The following OR52N2 variants were observed in gnomAD, a reference collection of about 807,000 sequenced individuals.
OR52N2 encodes the protein olfactory receptor 52N2.
For synonymous variants in OR52N2, 129 were observed against 72.0 expected, an observed-to-expected ratio of 1.79 and a Z score of -4.01; for missense variants, 326 against 196.6, an observed-to-expected ratio of 1.66 and a Z score of -3.94.
chr11:5,813,235 T>G (rs1846377927), intron 1 of OR52N2, among the ~76,000 whole-genome samples: 1 of 147,530 alleles, frequency 6.8e-6, no homozygotes, highest in East Asian at 2.1e-4. Flanking sequence ...AAATAGAAAT[T>G]ATAAAAAAAA....
chr11:5,815,052 G>C (rs757045902), intron 1 of OR52N2, among the ~76,000 whole-genome samples: 1 of 152,104 alleles, frequency 6.6e-6, no homozygotes, highest in Non-Finnish European at 1.5e-5. Flanking sequence ...TTACATAACA[G>C]CATGTCCAAA....
At chr11:5,812,434 G>T (rs1304830695) in intron 1 of OR52N2, among the ~76,000 whole-genome samples, 1 of 142,698 alleles carries the variant, frequency 7.0e-6, no homozygotes, top group African/African-American at 2.6e-5. Context: ...GGCGGAGCTT[G>T]CAGTGAGCCG....
In OR52N2 at chr11:5,820,282, G is replaced by T. The variant is rs1846435397; in HGVS notation, c.-54G>T. 1.1e-5 allele frequency: 8 copies of T among 757,552 alleles called. No homozygotes were observed. Among genetic ancestry groups the T allele is most frequent in the Non-Finnish European group, 2.0e-5 (8 of 407,980 alleles). The allele number at this position is 757,552 out of a possible 1,614,324, so 46.9% of individuals were successfully genotyped here. On this transcript the variant is annotated splice_region_variant and 5_prime_UTR_variant, in exon 2 of 2. Transcript: ENST00000317037. Reference sequence around the variant, plus strand: ...CTAACTCTCCCTCTCCCTCTCCTAGGCAGAAAGCAATGGCTGCTAAAGAGT... The same window carrying T: ...CTAACTCTCCCTCTCCCTCTCCTAGTCAGAAAGCAATGGCTGCTAAAGAGT...
chr11:5,817,022 A>G (rs1173611445), intron 1 of OR52N2, among the ~76,000 whole-genome samples: 1 of 152,200 alleles, frequency 6.6e-6, no homozygotes, highest in Non-Finnish European at 1.5e-5. Context: ...TTTGTTTCCA[A>G]GGAGTCGCAG....
At chr11:5,817,509 G>A (rs1403897218) in intron 1 of OR52N2, among the ~76,000 whole-genome samples, 1 of 152,044 alleles carries the variant, frequency 6.6e-6, no homozygotes, top group African/African-American at 2.4e-5. Flanking sequence ...AAAAAAAGTT[G>A]ACCAAGAACG....
intron 1 of OR52N2, among the ~76,000 whole-genome samples, chr11:5,814,750 G>A (rs1485190239): frequency 6.6e-6 from 1 of 152,038 alleles, no homozygotes; most frequent in Non-Finnish European, 1.5e-5. Flanking sequence ...AATCTCAAGG[G>A]ACCCTACATA....
At position 5,821,242 on chromosome 11, in the gene OR52N2, C is replaced by T. The variant is rs745957727; in HGVS notation, c.907C>T (p.Gln303Ter). The change falls in exon 2 of 2, where the codon CAG (glutamine) becomes TAG (stop). Residue 303 changes from glutamine to a stop codon, truncating the protein, a stop_gained. Coordinates refer to ENST00000317037, the MANE Select transcript of OR52N2 (RefSeq NM_001005174.3). LOFTEE classifies it low-confidence loss of function (END_TRUNC). The part of the protein sequence containing the change: ...IVYGVKTKQI[Q>*]EGVIKFLLGD... ...TTATGGAGTCAAGACCAAGCAGATT[C>T]AGGAAGGTGTAATTAAATTTTTACT... 10 of 780,758 alleles carry T rather than the reference C, an allele frequency of 1.3e-5. No individual in the cohort carries two copies. The highest frequency in any genetic ancestry group is 7.2e-6 in the Non-Finnish European group (3 of 418,072). The allele number at this position is 780,758 out of a possible 1,614,324, so 48.4% of individuals were successfully genotyped here. A position where few individuals can be genotyped will look rare whatever the true frequency, so the allele number is the denominator to read the frequency against.
rs1200889784 is a variant in OR52N2, at chr11:5,820,436, G to C, written c.101G>C (p.Cys34Ser). 7.7e-6 allele frequency: 6 copies of C among 780,684 alleles called. No individual in the cohort carries two copies. Among genetic ancestry groups the C allele is most frequent in the Non-Finnish European group, 1.2e-5 (5 of 418,046 alleles). 48.4% of individuals were successfully genotyped at this position (780,684 alleles called of 1,614,324 possible). A position where few individuals can be genotyped will look rare whatever the true frequency, so the allele number is the denominator to read the frequency against. The change falls in exon 2 of 2, where the codon TGC becomes TCC. Residue 34 changes from cysteine to serine, a missense_variant. By Grantham distance (112) the Cys-to-Ser change is moderately radical. Coordinates refer to ENST00000317037, the MANE Select transcript of OR52N2 (RefSeq NM_001005174.3). ...CACATCTGGATCTCCCTGCCATTCT[G>C]CTTTATGTACATCATTGCTGTCGTG... ...ATHIWISLPF[C>S]FMYIIAVVGN...
In OR52N2 at chr11:5,820,888, TCTGTGGCCAAGGTATC is replaced by T. The variant is rs1356819773; in HGVS notation, c.561_576del (p.Lys188IlefsTer10). ...CCCCCACACCTACTGTGACCATATG[TCTGTGGCCAAGGTATC>T]CTGTGGCAATTTCAAGGTCAATGCT... On this transcript the variant is annotated frameshift_variant, in exon 2 of 2. Coordinates refer to ENST00000317037, the MANE Select transcript of OR52N2 (RefSeq NM_001005174.3). LOFTEE classifies it low-confidence loss of function (END_TRUNC). The T allele has an allele frequency of 3.8e-6, 3 of 781,042 alleles. No individual in the cohort carries two copies. The highest frequency in any genetic ancestry group is 7.2e-6 in the Non-Finnish European group (3 of 418,120). 48.4% of individuals were successfully genotyped at this position (781,042 alleles called of 1,614,324 possible). A position where few individuals can be genotyped will look rare whatever the true frequency, so the allele number is the denominator to read the frequency against.
At position 5,821,420 on chromosome 11, in the gene OR52N2, T is replaced by G. The variant is rs533305510; in HGVS notation, c.*119T>G. ...ATGTAATTTACCCATGTAACAAACT[T>G]GCACGTGTACCTAAAATAAAAATAG... is the stretch of plus-strand genomic sequence containing the variant. On this transcript the variant is annotated 3_prime_UTR_variant, in exon 2 of 2. Coordinates refer to ENST00000317037, the MANE Select transcript of OR52N2 (RefSeq NM_001005174.3). The G allele has an allele frequency of 1.4e-3, 881 of 615,222 alleles. 1 individual carries two copies. Among genetic ancestry groups the G allele is most frequent in the Non-Finnish European group, 2.2e-3 (756 of 346,030 alleles). 38.1% of individuals were successfully genotyped at this position (615,222 alleles called of 1,614,324 possible). A position where few individuals can be genotyped will look rare whatever the true frequency, so the allele number is the denominator to read the frequency against.
chr11:5,812,494 C>CAAAA (rs57515736), intron 1 of OR52N2, among the ~76,000 whole-genome samples: 5 of 104,072 alleles, frequency 4.8e-5, no homozygotes, highest in African/African-American at 8.3e-5. Context: ...GACTCCATCT[C>CAAAA]AAAAAAAAAA....
intron 1 of OR52N2, among the ~76,000 whole-genome samples, chr11:5,812,588 C>G (rs954963557): frequency 6.6e-6 from 1 of 150,664 alleles, no homozygotes; most frequent in Admixed American, 6.6e-5. Flanking sequence ...TAATCAAGCA[C>G]ATTAACCATT....
intron 1 of OR52N2, among the ~76,000 whole-genome samples, chr11:5,819,446 T>C (rs1846428701): frequency 6.6e-6 from 1 of 152,176 alleles, no homozygotes; most frequent in South Asian, 2.1e-4. Flanking sequence ...AGTGTAAATT[T>C]AGTATTGAGA....
At chr11:5,815,935 G>GTGTA (rs1564972830) in intron 1 of OR52N2, among the ~76,000 whole-genome samples, 1 of 150,736 alleles carries the variant, frequency 6.6e-6, no homozygotes, top group Admixed American at 6.6e-5. Context: ...CATTATATAT[G>GTGTA]TATATATATA....
At chr11:5,809,386 A>G (rs1846333749) in intron 1 of OR52N2, among the ~76,000 whole-genome samples, 1 of 152,118 alleles carries the variant, frequency 6.6e-6, no homozygotes, top group South Asian at 2.1e-4. Context: ...GCTACTTGCA[A>G]ATATCTTTCT....
intron 1 of OR52N2, among the ~76,000 whole-genome samples, chr11:5,810,478 G>A (rs1209131388): frequency 2.0e-5 from 3 of 151,600 alleles, no homozygotes; most frequent in African/African-American, 4.9e-5. Context: ...AATAAGGTAG[G>A]GGAAAAGTCA....
chr11:5,811,362 TAGAC>T (rs1168979763), intron 1 of OR52N2, among the ~76,000 whole-genome samples: 2 of 152,024 alleles, frequency 1.3e-5, no homozygotes, highest in Non-Finnish European at 2.9e-5. Flanking sequence ...ATTTAAAAAA[TAGAC>T]AGCTACAATA....
At chr11:5,811,864 A>G (rs909488192) in intron 1 of OR52N2, among the ~76,000 whole-genome samples, 62 of 152,250 alleles carry the variant, frequency 4.1e-4, no homozygotes, top group Non-Finnish European at 2.6e-4. Flanking sequence ...GGTTGAAAGC[A>G]AAGGAATGGA....
chr11:5,809,661 AAAAGT>A (rs1454682717), intron 1 of OR52N2, among the ~76,000 whole-genome samples: 1 of 152,198 alleles, frequency 6.6e-6, no homozygotes, highest in African/African-American at 2.4e-5. Context: ...AAAAAAAAAA[AAAAGT>A]AAAGCTATTT....
Sources: allele counts gnomAD v4.1 joint callset (sites outside exome capture counted in the v4.1 genomes callset), GRCh38; gene constraint gnomAD v4.1.1; transcripts MANE v1.5; gene names NCBI Gene and HGNC (gene_info 2026-07-23, HGNC 2026-07-21).